Variants in MYO1D observed in about 807,000 individuals in gnomAD.
MYO1D encodes the protein myosin ID.
A neutral mutation model predicts 122.0 loss-of-function variants in MYO1D; 83 were observed. That is an observed-to-expected ratio of 0.68 (90% CI 0.57 to 0.82). The LOEUF (loss-of-function observed/expected upper bound fraction) is 0.82, where lower values mean the gene tolerates loss of function less well. MYO1D is among the 40% of genes least tolerant of loss of function. The probability of loss-of-function intolerance (pLI) is 0.00; values close to 1 mark genes in which losing one functional copy is unlikely to be tolerated. For missense variants in MYO1D, 1,157 were observed against 1,269.5 expected, an observed-to-expected ratio of 0.91 and a Z score of 1.35; for synonymous variants, 464 against 446.9, an observed-to-expected ratio of 1.04 and a Z score of -0.48.
intron 20 of MYO1D, among the ~76,000 whole-genome samples, chr17:32,624,131 T>A (rs2087890885): frequency 6.6e-6 from 1 of 151,922 alleles, no homozygotes; most frequent in Non-Finnish European, 1.5e-5. Context: ...AGTGAAAAAA[T>A]TTGGGGAACA....
At chr17:32,705,708 A>G (rs1412021263) in intron 16 of MYO1D, among the ~76,000 whole-genome samples, 1 of 152,156 alleles carries the variant, frequency 6.6e-6, no homozygotes, top group African/African-American at 2.4e-5. Flanking sequence ...TTAGTTAATG[A>G]TATGGTTTGG....
intron 20 of MYO1D, 84 bp from the exon 21 acceptor site, chr17:32,605,325 T>A: frequency 7.6e-7 from 1 of 1,322,958 alleles, no homozygotes; most frequent in Non-Finnish European, 1.0e-6. Context: ...CTGGGCATGG[T>A]GGCATGTGCC....
chr17:32,552,928 A>C (rs2087031274), intron 21 of MYO1D, among the ~76,000 whole-genome samples: 1 of 152,072 alleles, frequency 6.6e-6, no homozygotes, highest in South Asian at 2.1e-4. Flanking sequence ...CCATTACCAA[A>C]ACACAGGCCT....
intron 21 of MYO1D, among the ~76,000 whole-genome samples, chr17:32,597,646 T>G (rs1014919564): frequency 6.6e-6 from 1 of 151,318 alleles, no homozygotes; most frequent in African/African-American, 2.4e-5. Flanking sequence ...CTGAGGCGGG[T>G]GGATCACCTG....
At chr17:32,776,808 T>TATAC (rs2090176502) in intron 3 of MYO1D, among the ~76,000 whole-genome samples, 1 of 152,250 alleles carries the variant, frequency 6.6e-6, no homozygotes, top group Non-Finnish European at 1.5e-5. Context: ...GCTAACTTTC[T>TATAC]ATACAGCAGT....
At chr17:32,732,978 C>T (rs117291579) in intron 14 of MYO1D, among the ~76,000 whole-genome samples, 2,319 of 152,314 alleles carry the variant, frequency 0.015, 33 homozygotes, top group South Asian at 0.026. Flanking sequence ...CTGGTCCAGC[C>T]GCAGCCTCAC....
chr17:32,696,595 G>A (rs1218997084), intron 16 of MYO1D, among the ~76,000 whole-genome samples: 2 of 152,200 alleles, frequency 1.3e-5, no homozygotes, highest in African/African-American at 2.4e-5. Flanking sequence ...GAAAGGGTTA[G>A]TAAATATTTA....
intron 21 of MYO1D, among the ~76,000 whole-genome samples, chr17:32,574,524 T>G (rs1026114666): frequency 6.6e-6 from 1 of 152,240 alleles, no homozygotes; most frequent in Non-Finnish European, 1.5e-5. Context: ...CTTAGTAAAC[T>G]TCTTATTCAC....
intron 21 of MYO1D, among the ~76,000 whole-genome samples, chr17:32,604,813 T>C (rs904373884): frequency 1.3e-5 from 2 of 152,232 alleles, no homozygotes; most frequent in African/African-American, 4.8e-5. Context: ...TTGGATTTAA[T>C]TGCATTTGGA....
chr17:32,717,513 T>C (rs1433810713), intron 15 of MYO1D, among the ~76,000 whole-genome samples: 1 of 152,258 alleles, frequency 6.6e-6, no homozygotes. Context: ...TTCTTTTTGC[T>C]GAAGTATATC....
rs150897368 is a variant in MYO1D at position 32,821,892 on chromosome 17, G to A, written c.96-41108C>T. On this transcript the variant is annotated intron_variant, in intron 1 of 21. Transcript: ENST00000318217. Reference sequence around the variant, plus strand: ...GGAAACAATAGGTGCTGGAGAGGATGTGGAGAAATAGGAACACTTTTACAC... The same window carrying A: ...GGAAACAATAGGTGCTGGAGAGGATATGGAGAAATAGGAACACTTTTACAC... 3.6e-3 allele frequency among the ~76,000 whole-genome samples: 554 copies of A among 152,302 alleles called. 3 individuals carry two copies. Among genetic ancestry groups the A allele is most frequent in the African/African-American group, 0.012 (517 of 41,564 alleles).
At chr17:32,806,060 C>T (rs9912681) in intron 1 of MYO1D, among the ~76,000 whole-genome samples, 8,369 of 152,190 alleles carry the variant, frequency 0.055, 757 homozygotes, top group African/African-American at 0.19. Context: ...AGATTGAGAC[C>T]ATCCTGGCTA....
intron 21 of MYO1D, among the ~76,000 whole-genome samples, chr17:32,524,390 T>C (rs986810455): frequency 2.6e-5 from 4 of 152,052 alleles, no homozygotes; most frequent in Admixed American, 2.6e-4. Context: ...TACATTTCAT[T>C]ACTTTTTCTT....
At chr17:32,836,696 C>T (rs1233288954) in intron 1 of MYO1D, among the ~76,000 whole-genome samples, 1 of 152,018 alleles carries the variant, frequency 6.6e-6, no homozygotes, top group Non-Finnish European at 1.5e-5. Context: ...TAGGAATATA[C>T]CACAATTTAA....
At position 32,743,785 on chromosome 17, in the gene MYO1D, T is replaced by C. The variant is rs375855427; in HGVS notation, c.1613+1426A>G. ...GACACTCACCGCCACACCCGGCTAATTTTTTCATATTTTTAGTAGAGACGG... is the reference window on the plus strand; with the variant it reads ...GACACTCACCGCCACACCCGGCTAACTTTTTCATATTTTTAGTAGAGACGG... On this transcript the variant is annotated intron_variant, in intron 13 of 21. Coordinates refer to ENST00000318217, the MANE Select transcript of MYO1D (RefSeq NM_015194.3). Among the ~76,000 whole-genome samples the C allele has an allele frequency of 1.1e-4, 16 of 152,094 alleles. No homozygotes were observed. In the East Asian group the frequency reaches 3.1e-3, roughly 29 times the overall value.
chr17:32,590,247 G>C (rs913176078), intron 21 of MYO1D, among the ~76,000 whole-genome samples: 5 of 152,102 alleles, frequency 3.3e-5, no homozygotes, highest in African/African-American at 9.7e-5. Flanking sequence ...AAATGTACCA[G>C]CTCCACCAAG....
intron 16 of MYO1D, among the ~76,000 whole-genome samples, chr17:32,660,107 C>G (rs777767485): frequency 7.2e-5 from 11 of 152,128 alleles, no homozygotes; most frequent in Non-Finnish European, 1.6e-4. Flanking sequence ...TCCTCTCCAC[C>G]ACCACTTTAC....
At chr17:32,531,385 G>T (rs1910503697) in intron 21 of MYO1D, 2 of 152,174 alleles carry the variant, frequency 1.3e-5, no homozygotes, top group South Asian at 4.1e-4. Context: ...GATCTTGATG[G>T]TGATCACGTC....
At chr17:32,513,833 CTT>C (rs543363715) in intron 21 of MYO1D, among the ~76,000 whole-genome samples, 34 of 142,336 alleles carry the variant, frequency 2.4e-4, no homozygotes, top group East Asian at 4.0e-4. Context: ...TTCTTTCTTT[CTT>C]TTTTTTTTTT....
Sources: allele counts gnomAD v4.1 joint callset (sites outside exome capture counted in the v4.1 genomes callset), GRCh38; gene constraint gnomAD v4.1.1; transcripts MANE v1.5; gene names NCBI Gene and HGNC (gene_info 2026-07-23, HGNC 2026-07-21).